The following MED24 variants were observed in gnomAD, a reference collection of about 807,000 sequenced individuals.
MED24 encodes the protein mediator of RNA polymerase II transcription subunit 24.
A neutral mutation model predicts 118.8 loss-of-function variants in MED24; 74 were observed. The observed-to-expected ratio is 0.62, with a 90% CI of 0.52 to 0.76. MED24 has a LOEUF of 0.76. Ranked by LOEUF, MED24 falls within the 30% of genes least tolerant of loss-of-function variation. The probability of loss-of-function intolerance (pLI) is 0.00; values close to 1 mark genes in which losing one functional copy is unlikely to be tolerated. For missense variants in MED24, 1,041 were observed against 1,278.9 expected, an observed-to-expected ratio of 0.81 and a Z score of 2.84; for synonymous variants, 521 against 523.9, an observed-to-expected ratio of 0.99 and a Z score of 0.08.
intron 9 of MED24, 41 bp from the exon 10 acceptor site, chr17:40,032,131 C>G (rs755911192): frequency 6.2e-7 from 1 of 1,604,096 alleles, no homozygotes; most frequent in Non-Finnish European, 8.5e-7. Flanking sequence ...AGATCCATTT[C>G]TTTTCTCTTT....
chr17:40,033,061 T>C lies in MED24; in HGVS notation c.817A>G (p.Met273Val), dbSNP rs1185341969. 5 of 1,613,820 alleles carry C rather than the reference T, an allele frequency of 3.1e-6. No homozygotes were observed. The highest frequency in any genetic ancestry group is 1.7e-6 in the Non-Finnish European group (2 of 1,180,038). Residue 273 changes from methionine (M) to valine (V), a missense_variant, in exon 8 of 26, where the codon ATG (methionine) becomes GTG (valine). Around this residue, in one of 3 missense-constraint regions of MED24, gnomAD observed 434 missense variants for 514.9 expected, o/e 0.84. Coordinates refer to ENST00000394128, the MANE Select transcript of MED24 (RefSeq NM_014815.4). The surrounding 1 kb of genome is among the most constrained non-coding windows in gnomAD (Gnocchi z 5.2). ...LVEQLTMVKRMQHIPTPLFVL... is the reference protein window; with the variant it reads ...LVEQLTMVKRVQHIPTPLFVL... The stretch of plus-strand genomic sequence containing the variant: ...AGCCACTCGGCCCCTCCCACCTGCA[T>C]GCGCTTCACCATCGTCAGCTGCTCC...
chr17:40,026,844 C>G lies in MED24; in HGVS notation c.1709+12G>C. 6.2e-7 allele frequency: 1 copy of G among 1,611,336 alleles called. No individual in the cohort carries two copies. Among genetic ancestry groups the G allele is most frequent in the Non-Finnish European group, 8.5e-7 (1 of 1,177,992 alleles). On this transcript the variant is annotated intron_variant, in intron 17 of 25. Transcript: ENST00000394128. ...CACCGCCACCCTTGGAGTGGGCGCC[C>G]GGGCCACTGACACTAGCTTCATCTC...
At chr17:40,027,083 C>T in intron 16 of MED24, 49 bp from the exon 17 acceptor site, 1 of 1,594,944 alleles carries the variant, frequency 6.3e-7, no homozygotes, top group Non-Finnish European at 8.6e-7. Context: ...GGCGCGGCGC[C>T]TGCCAGCGCT....
intron 4 of MED24, 84 bp from the exon 5 acceptor site, chr17:40,035,879 C>A: frequency 7.4e-7 from 1 of 1,357,222 alleles, no homozygotes; most frequent in Non-Finnish European, 1.0e-6. Context: ...ATTCAGGACT[C>A]CTGCTCCTCT....
intron 14 of MED24, among the ~76,000 whole-genome samples, chr17:40,028,533 C>T (rs1982989931): frequency 6.6e-6 from 1 of 151,936 alleles, no homozygotes; most frequent in Admixed American, 6.6e-5. Flanking sequence ...TTTGAGAGCC[C>T]CTTATTAATA....
chr17:40,029,826 T>C lies in MED24; in HGVS notation c.1188A>G (p.Lys396=), dbSNP rs546313664. The change falls in exon 13 of 26, where the codon AAA becomes AAG. Residue 396 remains lysine (K), a synonymous_variant. Transcript: ENST00000394128. ...KADREHAPQQ[K]SGENANIQPN... ...GCTGGATGTTGGCATTCTCTCCCGA[T>C]TTCTGCTGGGGTGCGTGCTCTCGGT... is the stretch of plus-strand genomic sequence containing the variant. 6.2e-7 allele frequency: 1 copy of C among 1,614,070 alleles called. No individual in the cohort carries two copies. The highest frequency in any genetic ancestry group is 2.2e-5 in the East Asian group (1 of 44,872).
chr17:40,052,348 A>C (rs910422642), intron 3 of MED24, among the ~76,000 whole-genome samples: 4 of 152,164 alleles, frequency 2.6e-5, no homozygotes, highest in African/African-American at 9.7e-5. Flanking sequence ...TACATTTTCA[A>C]CTTATGAGTG....
intron 3 of MED24, among the ~76,000 whole-genome samples, chr17:40,039,077 TC>T (rs1158305621): frequency 5.9e-5 from 9 of 152,100 alleles, no homozygotes; most frequent in African/African-American, 1.9e-4. Flanking sequence ...GAGCTGGATG[TC>T]CCCACTGAAC....
intron 3 of MED24, among the ~76,000 whole-genome samples, chr17:40,044,443 C>A (rs1302757100): frequency 6.6e-6 from 1 of 151,784 alleles, no homozygotes; most frequent in Admixed American, 6.6e-5. Context: ...TTGCTTGAAC[C>A]CGGGAGGCAG....
chr17:40,025,113 C>T (rs542805490), intron 19 of MED24, among the ~76,000 whole-genome samples: 1 of 152,304 alleles, frequency 6.6e-6, no homozygotes, highest in Non-Finnish European at 1.5e-5. Flanking sequence ...TTTGAGGACA[C>T]CATGCTGAGT....
Position 40,022,405 on chromosome 17 carries a change from C to T in MED24, c.2512G>A (p.Glu838Lys), listed in dbSNP as rs919939546. ...ASTRQKKRHR[E>K]DIEDYISLFP... Reference sequence around the variant, plus strand: ...GCTGGGGGGCCTACCTCAATGTCTTCGCGGTGTCTCTTCTTCTGGCGGGTG... The same window carrying T: ...GCTGGGGGGCCTACCTCAATGTCTTTGCGGTGTCTCTTCTTCTGGCGGGTG... The change falls in exon 22 of 26, where the codon GAA becomes AAA. Residue 838 changes from glutamate to lysine, a missense_variant. By Grantham distance (56) the Glu-to-Lys change is moderately conservative (BLOSUM62 1). Around this residue, in one of 3 missense-constraint regions of MED24, gnomAD observed 587 missense variants for 694.4 expected, o/e 0.85. Transcript: ENST00000394128. 3.1e-6 allele frequency: 5 copies of T among 1,609,184 alleles called. No homozygotes were observed. Among genetic ancestry groups the T allele is most frequent in the South Asian group, 1.1e-5 (1 of 90,020 alleles).
intron 3 of MED24, among the ~76,000 whole-genome samples, chr17:40,039,511 A>G (rs1236087503): frequency 6.6e-6 from 1 of 152,244 alleles, no homozygotes; most frequent in Non-Finnish European, 1.5e-5. Flanking sequence ...ACTCTGAAGG[A>G]AGAATAAATT....
intron 24 of MED24, 28 bp downstream of exon 24, chr17:40,020,245 G>C: frequency 1.3e-6 from 2 of 1,491,036 alleles, no homozygotes; most frequent in Non-Finnish European, 1.8e-6. Flanking sequence ...CTTAGCCCCA[G>C]GTTCGGCAGC....
intron 3 of MED24, among the ~76,000 whole-genome samples, chr17:40,040,981 C>T (rs1014285278): frequency 2.6e-5 from 4 of 152,052 alleles, no homozygotes; most frequent in African/African-American, 9.7e-5. Flanking sequence ...CTCCTGGCCT[C>T]AAGTGATCCT....
At chr17:40,021,699 G>A (rs1272950048) in intron 23 of MED24, among the ~76,000 whole-genome samples, 1 of 152,204 alleles carries the variant, frequency 6.6e-6, no homozygotes, top group East Asian at 1.9e-4. Context: ...GGAGGGGCAG[G>A]AGGGCTGTGG....
chr17:40,027,855 G>A (rs929852471), intron 15 of MED24, 54 bp downstream of exon 15: 64 of 1,584,540 alleles, frequency 4.0e-5, no homozygotes, highest in African/African-American at 1.2e-4. Context: ...ACACTCTCCC[G>A]CCACACCCCT....
chr17:40,033,003 C>T lies in MED24; in HGVS notation c.822+53G>A. ...GAACCAGAAGAATCCTCCCTCCTGCCCCCAACAGGCTGGCCTGCCTTGGAG... is the reference window on the plus strand; with the variant it reads ...GAACCAGAAGAATCCTCCCTCCTGCTCCCAACAGGCTGGCCTGCCTTGGAG... On this transcript the variant is annotated intron_variant, in intron 8 of 25. Transcript: ENST00000394128. This position sits in a 1 kb window ranked among gnomAD's most constrained non-coding sequence, Gnocchi z 5.2. The T allele has an allele frequency of 6.2e-7, 1 of 1,606,320 alleles. No individual in the cohort carries two copies. The highest frequency in any genetic ancestry group is 1.1e-5 in the South Asian group (1 of 90,504).
At chr17:40,040,895 G>A (rs1212523604) in intron 3 of MED24, among the ~76,000 whole-genome samples, 1 of 152,166 alleles carries the variant, frequency 6.6e-6, no homozygotes, top group Non-Finnish European at 1.5e-5. Context: ...TTACAGGTGT[G>A]AGCCACTGAA....
chr17:40,020,061 CAGAG>C (rs1281480490), intron 24 of MED24, 128 bp from the exon 25 acceptor site: 2 of 1,223,536 alleles, frequency 1.6e-6, no homozygotes, highest in African/African-American at 1.5e-5. Flanking sequence ...AATGGGGTGT[CAGAG>C]AGAGAAAATA....
Sources: gnomAD v4.1 joint callset for allele counts (sites outside exome capture counted in the v4.1 genomes callset) on GRCh38, gnomAD v4.1.1 for gene constraint, gnomAD v4.1.1 regional missense constraint, Gnocchi (gnomAD v3.1) non-coding constraint, MANE v1.5 for transcripts, NCBI Gene and HGNC (gene_info 2026-07-23, HGNC 2026-07-21) for gene names.